Variants in STX8 observed in about 807,000 individuals in gnomAD.
The protein encoded by STX8 is syntaxin-8.
In STX8, 23 loss-of-function variants were observed where a neutral mutation model predicts 37.5. That is an observed-to-expected ratio of 0.61 (90% confidence interval 0.44 to 0.87). The LOEUF (loss-of-function observed/expected upper bound fraction) is 0.87, where lower values mean the gene tolerates loss of function less well. Among genes scored for constraint, STX8 ranks in the 40% least tolerant of loss-of-function variants. The pLI is 0.00. For missense variants in STX8, 313 were observed against 284.7 expected (o/e 1.10, Z -0.71); for synonymous variants, 115 against 99.1 (o/e 1.16, Z -0.95).
chr17:9,418,543 A>C (rs1345892223), intron 6 of STX8, among the ~76,000 whole-genome samples: 2 of 151,584 alleles, frequency 1.3e-5, no homozygotes, highest in Non-Finnish European at 2.9e-5. Flanking sequence ...AAAAAAAAAA[A>C]CAAGGCTGGG....
At chr17:9,536,579 G>A (rs1268653976) in intron 4 of STX8, among the ~76,000 whole-genome samples, 1 of 152,092 alleles carries the variant, frequency 6.6e-6, no homozygotes, top group East Asian at 1.9e-4. Flanking sequence ...TGCTTTTCCA[G>A]ACTCCTTTGT....
chr17:9,305,933 C>A (rs1221511125), intron 7 of STX8, among the ~76,000 whole-genome samples: 1 of 150,856 alleles, frequency 6.6e-6, no homozygotes, highest in South Asian at 2.1e-4. Flanking sequence ...TTAGAAGAGA[C>A]GGGGTTTCAC....
At chr17:9,374,185 G>T (rs921761254) in intron 7 of STX8, among the ~76,000 whole-genome samples, 6 of 151,274 alleles carry the variant, frequency 4.0e-5, no homozygotes, top group Non-Finnish European at 7.4e-5. Context: ...AGGTTTAAGC[G>T]ATTCTCCTGC....
At chr17:9,534,317 C>T (rs1363493376) in intron 4 of STX8, among the ~76,000 whole-genome samples, 1 of 151,198 alleles carries the variant, frequency 6.6e-6, no homozygotes, top group Non-Finnish European at 1.5e-5. Context: ...TACTGAAAGA[C>T]CTGAAAAATG....
intron 6 of STX8, among the ~76,000 whole-genome samples, chr17:9,488,974 T>C (rs933136446): frequency 1.3e-5 from 2 of 152,068 alleles, no homozygotes; most frequent in Non-Finnish European, 1.5e-5. Flanking sequence ...CCTCCTGGGT[T>C]CAAGCGATTC....
chr17:9,548,832 A>C (rs746709755), intron 3 of STX8, among the ~76,000 whole-genome samples: 3 of 152,168 alleles, frequency 2.0e-5, no homozygotes, highest in Admixed American at 6.5e-5. Flanking sequence ...TTAAAAAAAA[A>C]TCCTAACTAT....
At chr17:9,261,905 C>T (rs966593365) in intron 7 of STX8, among the ~76,000 whole-genome samples, 15 of 152,280 alleles carry the variant, frequency 9.9e-5, no homozygotes, top group Non-Finnish European at 1.3e-4. Context: ...AACTCTGTTA[C>T]GGATATCTTG....
At chr17:9,443,990 A>G (rs1295158746) in intron 6 of STX8, among the ~76,000 whole-genome samples, 2 of 152,154 alleles carry the variant, frequency 1.3e-5, no homozygotes, top group Non-Finnish European at 2.9e-5. Flanking sequence ...TGACACGACG[A>G]ATGATTTCTG....
chr17:9,440,855 T>C (rs112599113), intron 6 of STX8, among the ~76,000 whole-genome samples: 513 of 152,192 alleles, frequency 3.4e-3, no homozygotes, highest in Middle Eastern at 6.8e-3. Context: ...GTTACTGTCA[T>C]TTTGAACAGT....
chr17:9,412,283 T>C (rs1450029642), intron 6 of STX8, among the ~76,000 whole-genome samples: 1 of 148,110 alleles, frequency 6.8e-6, no homozygotes, highest in African/African-American at 2.5e-5. Flanking sequence ...CAGCAGCAAT[T>C]TTTTTTTTTT....
chr17:9,422,093 T>A (rs1301762381), intron 6 of STX8, among the ~76,000 whole-genome samples: 1 of 150,688 alleles, frequency 6.6e-6, no homozygotes, highest in Non-Finnish European at 1.5e-5. Flanking sequence ...ATTTACCCAG[T>A]CTCGGGTAGT....
chr17:9,490,329 G>T (rs1034882416), intron 6 of STX8, among the ~76,000 whole-genome samples: 1 of 152,130 alleles, frequency 6.6e-6, no homozygotes, highest in Non-Finnish European at 1.5e-5. Context: ...CTTCAAAGCA[G>T]GTGTTCGTCT....
At chr17:9,317,737 G>A (rs375863303) in intron 7 of STX8, among the ~76,000 whole-genome samples, 1 of 150,866 alleles carries the variant, frequency 6.6e-6, no homozygotes, top group South Asian at 2.1e-4. Context: ...CTGCACTCCA[G>A]CCTGGGTGAC....
chr17:9,253,207 G>GGTGTGTGT (rs36048368), intron 7 of STX8, among the ~76,000 whole-genome samples: 16,059 of 140,832 alleles, frequency 0.11, 1,040 homozygotes, highest in Non-Finnish European at 0.14. Context: ...CAGGGGTAGG[G>GGTGTGTGT]GTGTGTGTGT....
chr17:9,476,280 A>G lies in STX8; in HGVS notation c.541+15549T>C, dbSNP rs531314411. Among the ~76,000 whole-genome samples, 7 of 152,342 alleles carry G rather than the reference A, an allele frequency of 4.6e-5. No homozygotes were observed. In the East Asian group the frequency reaches 1.3e-3, roughly 29 times the overall value. On this transcript the variant is annotated intron_variant, in intron 6 of 7. Transcript: ENST00000306357. ...CTTCATTCATAAATATGAAGAATCA[A>G]TGAAGAATTAGCAGACGTGAGGAAA...
At chr17:9,256,688 C>A (rs937903518) in intron 7 of STX8, among the ~76,000 whole-genome samples, 1 of 152,212 alleles carries the variant, frequency 6.6e-6, no homozygotes, top group Non-Finnish European at 1.5e-5. Context: ...GAGGGTCTGA[C>A]GGTTCCTAAA....
intron 6 of STX8, among the ~76,000 whole-genome samples, chr17:9,403,521 C>T (rs189148908): frequency 1.3e-5 from 2 of 151,970 alleles, no homozygotes; most frequent in Admixed American, 6.6e-5. Flanking sequence ...CAACAGATGT[C>T]GAAGACTGAA....
intron 7 of STX8, among the ~76,000 whole-genome samples, chr17:9,335,302 A>T (rs1211022074): frequency 1.3e-5 from 2 of 152,326 alleles, no homozygotes; most frequent in Admixed American, 6.5e-5. Context: ...TACAGAAGTA[A>T]AATTGCCTTG....
intron 6 of STX8, among the ~76,000 whole-genome samples, chr17:9,384,249 C>A (rs1478530989): frequency 6.6e-6 from 1 of 151,472 alleles, no homozygotes; most frequent in Non-Finnish European, 1.5e-5. Context: ...TGAATGCAAT[C>A]TTAATCAAAA....
Sources: allele counts gnomAD v4.1 joint callset (sites outside exome capture counted in the v4.1 genomes callset), GRCh38; gene constraint gnomAD v4.1.1; transcripts MANE v1.5; gene names NCBI Gene and HGNC (gene_info 2026-07-23, HGNC 2026-07-21).